The following XPO5 variants were observed in gnomAD, a reference collection of about 807,000 sequenced individuals.
The protein encoded by XPO5 is exportin 5.
In XPO5, 46 loss-of-function variants were observed where a neutral mutation model predicts 160.6. That is an observed-to-expected ratio of 0.29 (90% CI 0.23 to 0.37). The LOEUF (loss-of-function observed/expected upper bound fraction) is 0.37. Among genes scored for constraint, XPO5 ranks in the 10% least tolerant of loss-of-function variants. XPO5 has a pLI of 1.00. For missense variants in XPO5, 1,090 were observed against 1,463.9 expected (o/e 0.74, Z 4.17); for synonymous variants, 537 against 519.3 (o/e 1.03, Z -0.46).
chr6:43,548,319 A>G lies in XPO5; in HGVS notation c.2002T>C (p.Phe668Leu). 9 of 1,613,564 alleles carry G rather than the reference A, an allele frequency of 5.6e-6. No individual in the cohort carries two copies. Among genetic ancestry groups the G allele is most frequent in the African/African-American group, 1.3e-5 (1 of 75,032 alleles). Residue 668 changes from phenylalanine to leucine, a missense_variant, in exon 18 of 32, where the codon TTC becomes CTC. Phe to Leu is a conservative substitution (Grantham distance 22). Transcript: ENST00000265351. The part of the protein sequence containing the change: ...QFKNYERQKV[F>L]LEELMAPVAS... Reference sequence around the variant, plus strand: ...ACTGGTGCCATCAGCTCCTCTAGGAACACCTTCTGACGCTCGTAGTTCTTA... The same window carrying G: ...ACTGGTGCCATCAGCTCCTCTAGGAGCACCTTCTGACGCTCGTAGTTCTTA...
intron 8 of XPO5, among the ~76,000 whole-genome samples, chr6:43,563,949 G>A (rs1433487768): frequency 6.6e-6 from 1 of 152,098 alleles, no homozygotes; most frequent in Admixed American, 6.5e-5. Flanking sequence ...TAGAGATGGA[G>A]TCTCACTCTG....
chr6:43,562,395 A>C (rs1434267172), intron 8 of XPO5, 49 bp from the exon 9 acceptor site: 1 of 1,323,378 alleles, frequency 7.6e-7, no homozygotes, highest in Admixed American at 2.0e-5. Context: ...AAAAGGCTGT[A>C]ATAAAAACAT....
rs569024757 is a variant in XPO5, at chr6:43,562,481, A to G, written c.912-135T>C. 4.3e-5 allele frequency: 30 copies of G among 704,852 alleles called. 1 individual carries two copies. The South Asian group carries it at 5.5e-4, about 13-fold the overall frequency. The allele number at this position is 704,852 out of a possible 1,614,324, so 43.7% of individuals were successfully genotyped here. A position where few individuals can be genotyped will look rare whatever the true frequency, so the allele number is the denominator to read the frequency against. On this transcript the variant is annotated intron_variant, in intron 8 of 31. Coordinates refer to ENST00000265351, the MANE Select transcript of XPO5 (RefSeq NM_020750.3). ...AGAATTCCAATAGCTTTGCTAAATTAAAAATTTTTTAAAATCTTTTTAACT... is the reference window on the plus strand; with the variant it reads ...AGAATTCCAATAGCTTTGCTAAATTGAAAATTTTTTAAAATCTTTTTAACT...
chr6:43,563,876 G>A (rs1762545823), intron 8 of XPO5, among the ~76,000 whole-genome samples: 1 of 152,070 alleles, frequency 6.6e-6, no homozygotes, highest in South Asian at 2.1e-4. Flanking sequence ...GGACATTACT[G>A]GACCCTACTG....
At chr6:43,552,919 T>C (rs551868565) in intron 14 of XPO5, among the ~76,000 whole-genome samples, 1 of 152,294 alleles carries the variant, frequency 6.6e-6, no homozygotes, top group Non-Finnish European at 1.5e-5. Context: ...TGGTCCCCAT[T>C]TTGCCATTTA....
rs1762460613 is a variant in XPO5 at position 43,562,354 on chromosome 6, A to G, written c.912-8T>C. On this transcript the variant is annotated splice_polypyrimidine_tract_variant and splice_region_variant and intron_variant, in intron 8 of 31. Transcript: ENST00000265351. ...CCTCCTCCATCAGCAGTCCTGTAAG[A>G]TGAGAATTCCTTATATCACCAACAA... The G allele has an allele frequency of 6.3e-7, 1 of 1,593,850 alleles. No homozygotes were observed. The highest frequency in any genetic ancestry group is 2.2e-5 in the East Asian group (1 of 44,560).
intron 28 of XPO5, 124 bp from the exon 29 acceptor site, chr6:43,525,338 T>C (rs1793509447): frequency 1.1e-6 from 1 of 928,746 alleles, no homozygotes; most frequent in Non-Finnish European, 1.6e-6. Context: ...TGGGTTTGTT[T>C]TGTTGCCCAG....
intron 5 of XPO5, among the ~76,000 whole-genome samples, chr6:43,569,570 C>CT (rs2127754521): frequency 6.6e-6 from 1 of 151,982 alleles, no homozygotes; most frequent in African/African-American, 2.4e-5. Flanking sequence ...ACCATCTCTA[C>CT]TAAAATACAA....
At chr6:43,564,529 C>CA (rs113474362) in intron 8 of XPO5, among the ~76,000 whole-genome samples, 1,343 of 133,154 alleles carry the variant, frequency 0.01, 12 homozygotes, top group African/African-American at 0.024. Flanking sequence ...AACTCCATCT[C>CA]AAAAAAAAAA....
At chr6:43,533,855 C>A (rs1254443441) in intron 21 of XPO5, 52 bp downstream of exon 21, 2 of 1,357,070 alleles carry the variant, frequency 1.5e-6, no homozygotes, top group Non-Finnish European at 2.0e-6. Context: ...AAAAAGGGGA[C>A]ATCCATTAGG....
chr6:43,573,636 G>T, intron 1 of XPO5, 35 bp from the exon 2 acceptor site: 1 of 1,595,514 alleles, frequency 6.3e-7, no homozygotes, highest in South Asian at 1.1e-5. Flanking sequence ...CCTTTCGAGG[G>T]CTGAGAGAAT....
chr6:43,557,127 C>CAA (rs58974895), intron 12 of XPO5, among the ~76,000 whole-genome samples: 2,744 of 61,018 alleles, frequency 0.045, 174 homozygotes, highest in African/African-American at 0.14. Context: ...GACTCCATCT[C>CAA]AAAAAAAAAA....
chr6:43,554,616 G>A (rs899362276), intron 13 of XPO5, among the ~76,000 whole-genome samples: 6 of 151,826 alleles, frequency 4.0e-5, no homozygotes, highest in African/African-American at 1.5e-4. Flanking sequence ...TAGAGACAGG[G>A]TTTTGCCATG....
chr6:43,526,091 A>AAGAT, intron 27 of XPO5, 170 bp from the exon 28 acceptor site: 1 of 633,926 alleles, frequency 1.6e-6, no homozygotes, highest in African/African-American at 1.8e-5. Context: ...CCCATGGCTG[A>AAGAT]TCTTCTAGAG....
At chr6:43,546,110 A>G (rs1794952686) in intron 20 of XPO5, among the ~76,000 whole-genome samples, 1 of 152,208 alleles carries the variant, frequency 6.6e-6, no homozygotes, top group African/African-American at 2.4e-5. Context: ...TCCTTTGTTT[A>G]GCATGTTCAG....
chr6:43,553,232 T>A (rs952250249), intron 14 of XPO5, 141 bp downstream of exon 14: 2 of 1,067,236 alleles, frequency 1.9e-6, no homozygotes, highest in Admixed American at 6.1e-5. Context: ...AGCCCAGGAG[T>A]TGGAGGTTAC....
rs548476558 is a variant in XPO5 at position 43,530,707 on chromosome 6, G to A, written c.2658C>T (p.Tyr886=). ...GGATATGAAGCATGGGTCTGAGTCGGTAGTCAGGAATATTGTTCAAGTTGA... is the reference window on the plus strand; with the variant it reads ...GGATATGAAGCATGGGTCTGAGTCGATAGTCAGGAATATTGTTCAAGTTGA... ...AFVNLNNIPD[Y]RLRPMLRVFV... Residue 886 remains tyrosine, a synonymous_variant, in exon 23 of 32, where the codon TAC becomes TAT. Coordinates refer to ENST00000265351, the MANE Select transcript of XPO5 (RefSeq NM_020750.3). 3 of 1,614,000 alleles carry A rather than the reference G, an allele frequency of 1.9e-6. No individual in the cohort carries two copies. The African/African-American group carries it at 4.0e-5, about 22-fold the overall frequency.
At chr6:43,537,484 C>T (rs1358205450) in intron 20 of XPO5, among the ~76,000 whole-genome samples, 2 of 152,144 alleles carry the variant, frequency 1.3e-5, no homozygotes, top group African/African-American at 4.8e-5. Flanking sequence ...TGGTGTCTGT[C>T]CTCGACAACT....
rs1762961442 is a variant in XPO5, at chr6:43,570,520, T to C, written c.603A>G (p.Val201=). The C allele has an allele frequency of 1.2e-6, 2 of 1,613,354 alleles. No homozygotes were observed. The highest frequency in any genetic ancestry group is 1.7e-6 in the Non-Finnish European group (2 of 1,179,720). Reference sequence around the variant, plus strand: ...CCCTTACCACTTGCTGATACTTGTTTACATTTTCTTGAAGTGTGTTAAGCA... The same window carrying C: ...CCCTTACCACTTGCTGATACTTGTTCACATTTTCTTGAAGTGTGTTAAGCA... The part of the protein sequence containing the change: ...SFLLNTLQEN[V]NKYQQVKTDT... The change falls in exon 5 of 32, where the codon GTA becomes GTG. Residue 201 remains valine, a synonymous_variant. Transcript: ENST00000265351.
Sources: allele counts gnomAD v4.1 joint callset (sites outside exome capture counted in the v4.1 genomes callset), GRCh38; gene constraint gnomAD v4.1.1; transcripts MANE v1.5; gene names NCBI Gene and HGNC (gene_info 2026-07-23, HGNC 2026-07-21).